Variants in PAN2 observed in about 807,000 individuals in gnomAD.
PAN2 encodes the protein poly(A) specific ribonuclease subunit PAN2.
In PAN2, 68 loss-of-function variants were observed where a neutral mutation model predicts 133.3. That is an observed-to-expected ratio of 0.51 (90% CI 0.42 to 0.62). The LOEUF (loss-of-function observed/expected upper bound fraction) is 0.62. Ranked by LOEUF, PAN2 falls within the 20% of genes least tolerant of loss-of-function variation. The pLI, the probability that PAN2 is intolerant of heterozygous loss-of-function variation, is 0.00. For missense variants in PAN2, 1,042 were observed against 1,500.5 expected (o/e 0.69, Z 5.05); for synonymous variants, 462 against 544.6 (o/e 0.85, Z 2.11).
Position 56,318,440 on chromosome 12 carries a change from G to A in PAN2, c.3365-6C>T. On this transcript the variant is annotated splice_polypyrimidine_tract_variant and splice_region_variant and intron_variant, in intron 24 of 25. Coordinates refer to ENST00000440411, the MANE Select transcript of PAN2 (RefSeq NM_014871.6). ...TTCCCCTTGAATCTTCAGGTCTGGGGTAAGTAAAGGTGGAATAGTTTGGGA... is the reference window on the plus strand; with the variant it reads ...TTCCCCTTGAATCTTCAGGTCTGGGATAAGTAAAGGTGGAATAGTTTGGGA... The A allele has an allele frequency of 6.2e-7, 1 of 1,611,092 alleles. No individual in the cohort carries two copies. Among genetic ancestry groups the A allele is most frequent in the African/African-American group, 1.3e-5 (1 of 74,968 alleles).
intron 20 of PAN2, among the ~76,000 whole-genome samples, chr12:56,321,190 A>G (rs1442095578): frequency 6.7e-6 from 1 of 150,120 alleles, no homozygotes; most frequent in Non-Finnish European, 1.5e-5. Flanking sequence ...CTTCTCCAAT[A>G]GCTGGGACCA....
chr12:56,326,741 C>T lies in PAN2; in HGVS notation c.1138G>A (p.Val380Met), dbSNP rs763243307. 1.9e-5 allele frequency: 31 copies of T among 1,613,924 alleles called. No individual in the cohort carries two copies. Among genetic ancestry groups the T allele is most frequent in the East Asian group, 2.2e-5 (1 of 44,870 alleles). The change falls in exon 7 of 26, where the codon GTG (valine) becomes ATG (methionine). Residue 380 changes from valine (V) to methionine (M), a missense_variant. By Grantham distance (21) the Val-to-Met change is conservative. Transcript: ENST00000440411. ...RETEFALPCL[V>M]DSLPPLDWSQ... ...CAGTCCAGAGGAGGCAGTGAGTCCA[C>T]GAGACACGGCAAAGCAAACTCAGTC...
chr12:56,330,084 C>T (rs1019799213), intron 2 of PAN2, among the ~76,000 whole-genome samples: 1 of 152,046 alleles, frequency 6.6e-6, no homozygotes. Flanking sequence ...TTCTAGAGGG[C>T]CTAGAATAGT....
intron 25 of PAN2, among the ~76,000 whole-genome samples, chr12:56,317,874 G>A (rs1322007581): frequency 6.6e-6 from 1 of 152,214 alleles, no homozygotes; most frequent in African/African-American, 2.4e-5. Context: ...TTCTCCATAT[G>A]TGCAATCAAA....
chr12:56,329,710 A>G lies in PAN2; in HGVS notation c.283-1069T>C, dbSNP rs146426492. Among the ~76,000 whole-genome samples, 1,469 of 151,466 alleles carry G rather than the reference A, an allele frequency of 9.7e-3. 81 individuals carry two copies. The East Asian group carries it at 0.18, about 19-fold the overall frequency. On this transcript the variant is annotated intron_variant, in intron 2 of 25. Transcript: ENST00000440411. The stretch of plus-strand genomic sequence containing the variant: ...TGTAATCCCAGCACTTTGGGAGGCC[A>G]AGGCAGGTGGATCACTTGAGGCCAG...
At chr12:56,326,262 GA>G in intron 8 of PAN2, 50 bp downstream of exon 8, 1 of 1,478,230 alleles carries the variant, frequency 6.8e-7, no homozygotes, top group Non-Finnish European at 9.1e-7. Context: ...AAAAAGATAG[GA>G]GAAACTTCAG....
intron 8 of PAN2, among the ~76,000 whole-genome samples, chr12:56,326,014 TA>T (rs1158223559): frequency 6.6e-6 from 1 of 152,252 alleles, no homozygotes; most frequent in Non-Finnish European, 1.5e-5. Flanking sequence ...TAGCCTGGAA[TA>T]ACATTTTTCC....
chr12:56,321,228 A>ATTTTT (rs112926568), intron 20 of PAN2, among the ~76,000 whole-genome samples: 2 of 136,260 alleles, frequency 1.5e-5, no homozygotes, highest in African/African-American at 2.7e-5. Context: ...ACTCAGCTAA[A>ATTTTT]TTTTTTTTTT....
rs750161539 is a variant in PAN2 at position 56,319,596 on chromosome 12, C to A, written c.3090+25G>T. On this transcript the variant is annotated intron_variant, in intron 22 of 25. Coordinates refer to ENST00000440411, the MANE Select transcript of PAN2 (RefSeq NM_014871.6). This position sits in a 1 kb window ranked among gnomAD's most constrained non-coding sequence, Gnocchi z 5.4. ...TGTAAGTAAGCACCAGGGTGTGCCT[C>A]ACTTGCATCTCCATATCCTAATACC... 21 of 1,595,690 alleles carry A rather than the reference C, an allele frequency of 1.3e-5. No individual in the cohort carries two copies. The highest frequency in any genetic ancestry group is 1.8e-5 in the Non-Finnish European group (21 of 1,171,002).
intron 2 of PAN2, among the ~76,000 whole-genome samples, chr12:56,330,429 G>A (rs1236251749): frequency 9.6e-5 from 12 of 124,744 alleles, no homozygotes; most frequent in African/African-American, 2.9e-4. Context: ...GCGGGATCTC[G>A]GCTCACTGCA....
intron 6 of PAN2, 33 bp from the exon 7 acceptor site, chr12:56,326,992 G>C: frequency 6.4e-7 from 1 of 1,552,438 alleles, no homozygotes. Flanking sequence ...CTGAGCCCTA[G>C]AAAGTGAAAG....
At chr12:56,329,171 T>G (rs1212139244) in intron 2 of PAN2, among the ~76,000 whole-genome samples, 3 of 152,196 alleles carry the variant, frequency 2.0e-5, no homozygotes, top group Non-Finnish European at 4.4e-5. Flanking sequence ...AACCTCAAAC[T>G]CATGACATCC....
At chr12:56,320,485 CA>C (rs200450655) in intron 20 of PAN2, among the ~76,000 whole-genome samples, 41 of 150,066 alleles carry the variant, frequency 2.7e-4, no homozygotes, top group Admixed American at 2.1e-3. Context: ...TAATTAGACA[CA>C]AAAAAAAATT....
Position 56,323,797 on chromosome 12 carries a change from G to T in PAN2, c.2172+10C>A. The T allele has an allele frequency of 6.3e-7, 1 of 1,588,214 alleles. No homozygotes were observed. The highest frequency in any genetic ancestry group is 8.6e-7 in the Non-Finnish European group (1 of 1,156,618). ...ACCAGGACTCTAGTCCAGTCCAACA[G>T]TCCACTCACCGTGGGCTGGTACTTT... On this transcript the variant is annotated intron_variant, in intron 14 of 25. Transcript: ENST00000440411.
In PAN2 at chr12:56,319,607, C is replaced by G; in HGVS notation, c.3090+14G>C. ...ACCAGGGTGTGCCTCACTTGCATCTCCATATCCTAATACCTGCTCCTGGGT... is the reference window on the plus strand; with the variant it reads ...ACCAGGGTGTGCCTCACTTGCATCTGCATATCCTAATACCTGCTCCTGGGT... On this transcript the variant is annotated intron_variant, in intron 22 of 25. Transcript: ENST00000440411. The surrounding 1 kb of genome is among the most constrained non-coding windows in gnomAD (Gnocchi z 5.4). 6.2e-7 allele frequency: 1 copy of G among 1,601,008 alleles called. No individual in the cohort carries two copies. Among genetic ancestry groups the G allele is most frequent in the African/African-American group, 1.3e-5 (1 of 74,620 alleles).
chr12:56,333,575 A>G (rs896169415), intron 1 of PAN2: 1 of 159,540 alleles, frequency 6.3e-6, no homozygotes, highest in Non-Finnish European at 1.4e-5. Context: ...TTCTCCCAGA[A>G]TTGGGGGTGA....
intron 2 of PAN2, 78 bp downstream of exon 2, chr12:56,332,735 C>T (rs903496360): frequency 6.7e-7 from 1 of 1,487,778 alleles, no homozygotes; most frequent in Non-Finnish European, 9.3e-7. Flanking sequence ...TGGCTATCTG[C>T]AAAGCAGCTT....
At position 56,326,720 on chromosome 12, in the gene PAN2, CCAGAGGA is replaced by C; in HGVS notation, c.1152_1158del (p.Pro385ThrfsTer48). On this transcript the variant is annotated frameshift_variant, in exon 7 of 26. Transcript: ENST00000440411. LOFTEE classifies it high-confidence loss of function. ...AGAGGCAGCAGGTCCTGGCTCCAGTCCAGAGGAGGCAGTGAGTCCACGAGACACGGCA... is the reference window on the plus strand; with the variant it reads ...AGAGGCAGCAGGTCCTGGCTCCAGTCGGCAGTGAGTCCACGAGACACGGCA... 1 of 1,614,074 alleles carries C rather than the reference CCAGAGGA, an allele frequency of 6.2e-7. No homozygotes were observed. Among genetic ancestry groups the C allele is most frequent in the East Asian group, 2.2e-5 (1 of 44,882 alleles).
intron 5 of PAN2, 54 bp downstream of exon 5, chr12:56,327,941 A>G: frequency 6.2e-7 from 1 of 1,611,012 alleles, no homozygotes; most frequent in Non-Finnish European, 8.5e-7. Context: ...GATCGCAATC[A>G]GGTATCTAGT....
Sources: gnomAD v4.1 joint callset for allele counts (sites outside exome capture counted in the v4.1 genomes callset) on GRCh38, gnomAD v4.1.1 for gene constraint, Gnocchi (gnomAD v3.1) non-coding constraint, MANE v1.5 for transcripts, NCBI Gene and HGNC (gene_info 2026-07-23, HGNC 2026-07-21) for gene names.